SH3YL1: variants seen among roughly 807,000 people sequenced by gnomAD.
The protein encoded by SH3YL1 is SH3 and SYLF domain containing 1.
SH3YL1 carries 41 observed loss-of-function variants against 45.8 expected under a neutral mutation model. That is an observed-to-expected ratio of 0.89 (90% CI 0.70 to 1.16). The LOEUF (loss-of-function observed/expected upper bound fraction) is 1.16, where lower values mean the gene tolerates loss of function less well. Ranked by LOEUF, SH3YL1 falls within the 50% of genes most tolerant of loss-of-function variation. SH3YL1 has a pLI of 0.00. For synonymous variants in SH3YL1, 152 were observed against 151.4 expected, an observed-to-expected ratio of 1.00 and a Z score of -0.03; for missense variants, 389 against 409.6, an observed-to-expected ratio of 0.95 and a Z score of 0.43.
rs901115541 is a variant in SH3YL1 at position 260,001 on chromosome 2, C to A, written c.1+3983G>T. On this transcript the variant is annotated intron_variant, in intron 1 of 9. Transcript: ENST00000356150. ...ACATGATCAGCAATTATTTGTACAA[C>A]GTACAAATACATTGTAAAATACAGG... The A allele has an allele frequency of 2.0e-5, 3 of 151,782 alleles. No individual in the cohort carries two copies. In the South Asian group the frequency reaches 6.2e-4, roughly 32 times the overall value. The allele number at this position is 151,782 out of a possible 1,614,324, so 9.4% of individuals were successfully genotyped here.
At chr2:244,129 A>T (rs909200684) in intron 4 of SH3YL1, among the ~76,000 whole-genome samples, 3 of 152,180 alleles carry the variant, frequency 2.0e-5, no homozygotes, top group Admixed American at 6.5e-5. Context: ...TTTTACGGAT[A>T]AAATGAGAGC....
intron 9 of SH3YL1, among the ~76,000 whole-genome samples, chr2:221,275 G>A (rs1368474298): frequency 6.6e-6 from 1 of 152,162 alleles, no homozygotes. Context: ...GTTCAAGGGG[G>A]ATTAATGTGG....
At chr2:223,315 T>C (rs945243059) in intron 9 of SH3YL1, among the ~76,000 whole-genome samples, 2 of 152,168 alleles carry the variant, frequency 1.3e-5, no homozygotes, top group Non-Finnish European at 2.9e-5. Flanking sequence ...GGAACTCTAG[T>C]TCCCAATGTC....
intron 4 of SH3YL1, chr2:239,439 G>C (rs921219258): frequency 6.6e-6 from 1 of 152,150 alleles, no homozygotes; most frequent in African/African-American, 2.4e-5. Flanking sequence ...GGAGATGTCC[G>C]GAGAAAAACT....
intron 3 of SH3YL1, among the ~76,000 whole-genome samples, chr2:248,128 A>C (rs1668916185): frequency 6.6e-6 from 1 of 152,266 alleles, no homozygotes; most frequent in African/African-American, 2.4e-5. Context: ...ATTCAAGGTT[A>C]TTAAAATTCT....
chr2:221,934 TA>T (rs1200775554), intron 9 of SH3YL1, among the ~76,000 whole-genome samples: 1 of 152,090 alleles, frequency 6.6e-6, no homozygotes, highest in Non-Finnish European at 1.5e-5. Flanking sequence ...ATGTAAATAT[TA>T]GAGATAATTT....
At chr2:264,800 G>T, upstream of SH3YL1, 1 of 742,804 alleles carries the variant, frequency 1.3e-6, no homozygotes, top group Non-Finnish European at 2.1e-6. Context: ...GACCGCCTCC[G>T]CAGGCGCACT....
At chr2:258,828 A>C (rs1191508383) in intron 1 of SH3YL1, among the ~76,000 whole-genome samples, 1 of 152,178 alleles carries the variant, frequency 6.6e-6, no homozygotes, top group Non-Finnish European at 1.5e-5. Flanking sequence ...GCTTCATGGC[A>C]GTTGTTCTTG....
At chr2:231,947 G>C (rs1264949958) in intron 6 of SH3YL1, among the ~76,000 whole-genome samples, 1 of 151,880 alleles carries the variant, frequency 6.6e-6, no homozygotes, top group Non-Finnish European at 1.5e-5. Context: ...GACTCGGTGG[G>C]GTAAACACTG....
chr2:234,881 CT>C (rs200970653), intron 4 of SH3YL1, among the ~76,000 whole-genome samples: 1 of 151,454 alleles, frequency 6.6e-6, no homozygotes, highest in African/African-American at 2.4e-5. Flanking sequence ...CTTAATTTTT[CT>C]TTTTTTTTCC....
chr2:229,585 C>T (rs986344163), intron 8 of SH3YL1, among the ~76,000 whole-genome samples: 18 of 151,252 alleles, frequency 1.2e-4, no homozygotes, highest in Non-Finnish European at 2.5e-4. Context: ...AAAAATTAGC[C>T]GGGCGTAGTG....
chr2:243,080 G>T (rs575204834), intron 4 of SH3YL1, among the ~76,000 whole-genome samples: 1 of 152,088 alleles, frequency 6.6e-6, no homozygotes, highest in African/African-American at 2.4e-5. Flanking sequence ...AAAATAGCTC[G>T]ATGTGTCAAT....
rs924454425 is a variant in SH3YL1 at position 229,495 on chromosome 2, C to T, written c.781+471G>A. On this transcript the variant is annotated intron_variant, in intron 8 of 9. Coordinates refer to ENST00000356150, the MANE Select transcript of SH3YL1 (RefSeq NM_015677.4). ...CTGTAATCCCAGCACTTTGGGAGGC[C>T]GAGGCGGGCAGATCACGAGGTCAGG... Among the ~76,000 whole-genome samples, 11 of 151,786 alleles carry T rather than the reference C, an allele frequency of 7.2e-5. No homozygotes were observed. In the East Asian group the frequency reaches 7.8e-4, roughly 11 times the overall value.
chr2:242,848 A>G (rs1392733901), intron 4 of SH3YL1: 62 of 1,517,708 alleles, frequency 4.1e-5, no homozygotes, highest in Non-Finnish European at 5.4e-5. Flanking sequence ...GCAGATGGCA[A>G]CCTAAGAAAG....
intron 4 of SH3YL1, among the ~76,000 whole-genome samples, chr2:237,116 G>T (rs1668338748): frequency 9.1e-6 from 1 of 109,898 alleles, no homozygotes; most frequent in Non-Finnish European, 1.8e-5. Context: ...TAACAAATTT[G>T]CCTTCCATAA....
chr2:231,280 T>C, intron 6 of SH3YL1, 89 bp from the exon 7 acceptor site: 2 of 976,796 alleles, frequency 2.0e-6, no homozygotes, highest in East Asian at 2.6e-5. Context: ...ACGGTGTGTA[T>C]ATATAATCAT....
intron 2 of SH3YL1, among the ~76,000 whole-genome samples, chr2:252,138 G>A (rs1242212322): frequency 6.6e-6 from 1 of 152,158 alleles, no homozygotes; most frequent in Non-Finnish European, 1.5e-5. Flanking sequence ...ATGCATTCCT[G>A]GACACACTGC....
chr2:232,882 T>C, intron 6 of SH3YL1: 1 of 312,948 alleles, frequency 3.2e-6, no homozygotes, highest in South Asian at 1.3e-4. Context: ...TGTGTTAGTC[T>C]TTTAAAGGGA....
At chr2:227,738 C>T (rs558339117) in intron 8 of SH3YL1, among the ~76,000 whole-genome samples, 5 of 150,020 alleles carry the variant, frequency 3.3e-5, no homozygotes, top group South Asian at 2.1e-4. Context: ...ATGTTGTGAA[C>T]GTGGGTTTCC....
Sources: allele counts gnomAD v4.1 joint callset (sites outside exome capture counted in the v4.1 genomes callset), GRCh38; gene constraint gnomAD v4.1.1; transcripts MANE v1.5; gene names NCBI Gene and HGNC (gene_info 2026-07-23, HGNC 2026-07-21).